The following NDUFAF2 variants were observed in gnomAD, a reference collection of about 807,000 sequenced individuals.
The protein encoded by NDUFAF2 is NADH dehydrogenase [ubiquinone] 1 alpha subcomplex assembly factor 2.
Under a neutral mutation model 22.8 loss-of-function variants are expected in NDUFAF2, and 13 were observed. That is an observed-to-expected ratio of 0.57 (90% CI 0.37 to 0.91). The LOEUF is 0.91. Among genes scored for constraint, NDUFAF2 ranks in the 40% least tolerant of loss-of-function variants. The pLI, the probability that NDUFAF2 is intolerant of heterozygous loss-of-function variation, is 0.01. For missense variants in NDUFAF2, 162 were observed against 195.2 expected, an observed-to-expected ratio of 0.83 and a Z score of 1.01; for synonymous variants, 53 against 64.2, an observed-to-expected ratio of 0.83 and a Z score of 0.84.
At chr5:61,062,358 TATC>T (rs1043152641) in intron 1 of NDUFAF2, among the ~76,000 whole-genome samples, 7 of 152,182 alleles carry the variant, frequency 4.6e-5, no homozygotes, top group African/African-American at 1.2e-4. Flanking sequence ...TATAGATAGA[TATC>T]ATAAAAATGA....
intron 1 of NDUFAF2, among the ~76,000 whole-genome samples, chr5:60,978,805 T>C (rs1750937143): frequency 6.6e-6 from 1 of 152,170 alleles, no homozygotes; most frequent in Non-Finnish European, 1.5e-5. Flanking sequence ...GCGGTGCCTA[T>C]GACCTAGTGA....
At chr5:60,971,516 T>C (rs1750829706) in intron 1 of NDUFAF2, among the ~76,000 whole-genome samples, 1 of 151,956 alleles carries the variant, frequency 6.6e-6, no homozygotes, top group Admixed American at 6.6e-5. Context: ...CTCGATCTCC[T>C]GACCTCGTGA....
At chr5:61,014,515 A>T (rs762756722) in intron 1 of NDUFAF2, among the ~76,000 whole-genome samples, 1 of 152,104 alleles carries the variant, frequency 6.6e-6, no homozygotes, top group Non-Finnish European at 1.5e-5. Flanking sequence ...AGACTTGAGG[A>T]GGGAGTCCTG....
At chr5:61,085,139 T>C (rs891327235) in intron 2 of NDUFAF2, among the ~76,000 whole-genome samples, 8 of 152,122 alleles carry the variant, frequency 5.3e-5, no homozygotes, top group Non-Finnish European at 8.8e-5. Context: ...AACATAGATG[T>C]AGAAATCACT....
intron 1 of NDUFAF2, among the ~76,000 whole-genome samples, chr5:60,986,771 A>C (rs1331267916): frequency 1.3e-5 from 2 of 152,140 alleles, no homozygotes; most frequent in East Asian, 3.9e-4. Flanking sequence ...TGTACTAAAA[A>C]AATACAAAAA....
intron 3 of NDUFAF2, among the ~76,000 whole-genome samples, chr5:61,130,044 A>C (rs1187262168): frequency 6.6e-6 from 1 of 152,120 alleles, no homozygotes; most frequent in Non-Finnish European, 1.5e-5. Flanking sequence ...CATTCATCTA[A>C]TCTGAATACC....
chr5:60,960,301 G>A (rs1223235920), intron 1 of NDUFAF2, among the ~76,000 whole-genome samples: 1 of 152,070 alleles, frequency 6.6e-6, no homozygotes, highest in Non-Finnish European at 1.5e-5. Flanking sequence ...CTGTGTATAG[G>A]CACTATGCCT....
chr5:60,989,529 A>C (rs1011867648), intron 1 of NDUFAF2, among the ~76,000 whole-genome samples: 1 of 152,232 alleles, frequency 6.6e-6, no homozygotes, highest in Non-Finnish European at 1.5e-5. Flanking sequence ...CTGGGTAAAG[A>C]AAATGGAGTG....
At chr5:60,985,058 G>C (rs1751052628) in intron 1 of NDUFAF2, among the ~76,000 whole-genome samples, 1 of 152,154 alleles carries the variant, frequency 6.6e-6, no homozygotes, top group Non-Finnish European at 1.5e-5. Flanking sequence ...GTTAATTATT[G>C]CCTCAATTTC....
chr5:60,965,726 C>G (rs1750750810), intron 1 of NDUFAF2, among the ~76,000 whole-genome samples: 1 of 152,090 alleles, frequency 6.6e-6, no homozygotes, highest in African/African-American at 2.4e-5. Context: ...TAATAGAGTT[C>G]CATTGTGTAT....
At chr5:60,963,598 T>C (rs774915385) in intron 1 of NDUFAF2, among the ~76,000 whole-genome samples, 16 of 152,220 alleles carry the variant, frequency 1.1e-4, no homozygotes, top group Admixed American at 7.2e-4. Flanking sequence ...TCCATCTGAC[T>C]GATATTTATT....
intron 1 of NDUFAF2, among the ~76,000 whole-genome samples, chr5:60,985,858 G>A (rs998140025): frequency 6.6e-5 from 10 of 151,976 alleles, no homozygotes; most frequent in Non-Finnish European, 1.5e-4. Context: ...TGGGAATTGT[G>A]GTAGTTACAA....
At chr5:61,003,432 C>T (rs927105804) in intron 1 of NDUFAF2, among the ~76,000 whole-genome samples, 16 of 151,858 alleles carry the variant, frequency 1.1e-4, no homozygotes, top group African/African-American at 3.6e-4. Flanking sequence ...TATTTATGAG[C>T]CAGGTAAAAT....
chr5:61,113,764 C>A, intron 3 of NDUFAF2, among the ~76,000 whole-genome samples: 1 of 152,084 alleles, frequency 6.6e-6, no homozygotes, highest in East Asian at 1.9e-4. Context: ...ATTACCCATT[C>A]TCAGGCATGT....
chr5:61,108,142 A>G (rs1212365127), intron 3 of NDUFAF2, among the ~76,000 whole-genome samples: 1 of 148,546 alleles, frequency 6.7e-6, no homozygotes, highest in African/African-American at 2.6e-5. Flanking sequence ...GCTATTGTGA[A>G]TAGTGCTGCA....
chr5:60,946,183 C>T (rs922872991), intron 1 of NDUFAF2, among the ~76,000 whole-genome samples: 1 of 152,124 alleles, frequency 6.6e-6, no homozygotes, highest in African/African-American at 2.4e-5. Flanking sequence ...GTTCCATCGC[C>T]GCATGCAGAA....
At chr5:61,048,223 A>C (rs1751977545) in intron 1 of NDUFAF2, among the ~76,000 whole-genome samples, 1 of 152,126 alleles carries the variant, frequency 6.6e-6, no homozygotes, top group African/African-American at 2.4e-5. Flanking sequence ...TTTTGAAATT[A>C]CCTTTGGATG....
intron 3 of NDUFAF2, among the ~76,000 whole-genome samples, chr5:61,136,324 T>G (rs545518957): frequency 7.9e-5 from 12 of 152,110 alleles, no homozygotes; most frequent in African/African-American, 2.6e-4. Flanking sequence ...ACCATACAAC[T>G]TTTTGGCATG....
intron 1 of NDUFAF2, among the ~76,000 whole-genome samples, chr5:61,024,176 T>G (rs1751622080): frequency 6.6e-6 from 1 of 152,180 alleles, no homozygotes; most frequent in Non-Finnish European, 1.5e-5. Context: ...TTGATGTAAT[T>G]TGATTGACTC....
Sources: allele counts gnomAD v4.1 joint callset (sites outside exome capture counted in the v4.1 genomes callset), GRCh38; gene constraint gnomAD v4.1.1; transcripts MANE v1.5; gene names NCBI Gene and HGNC (gene_info 2026-07-23, HGNC 2026-07-21).